The following PCSK6 variants were observed in gnomAD, a reference collection of about 807,000 sequenced individuals.
The protein encoded by PCSK6 is proprotein convertase subtilisin/kexin type 6, also known as paired basic amino acid cleaving enzyme 4.
Under a neutral mutation model 123.3 loss-of-function variants are expected in PCSK6, and 85 were observed. That is an observed-to-expected ratio of 0.69 (90% CI 0.58 to 0.83). The LOEUF is 0.83. Among genes scored for constraint, PCSK6 ranks in the 40% least tolerant of loss-of-function variants. The pLI is 0.00. For missense variants in PCSK6, 1,191 were observed against 1,282.3 expected (o/e 0.93, Z 1.09); for synonymous variants, 508 against 516.0 (o/e 0.98, Z 0.21).
intron 1 of PCSK6, among the ~76,000 whole-genome samples, chr15:101,451,407 T>G (rs375102859): frequency 1.3e-5 from 2 of 152,152 alleles, no homozygotes; most frequent in African/African-American, 2.4e-5. Flanking sequence ...GCTAAGCGCA[T>G]ACTTTGGTAA....
chr15:101,345,677 C>T (rs2040713441), intron 13 of PCSK6, among the ~76,000 whole-genome samples: 1 of 152,002 alleles, frequency 6.6e-6, no homozygotes, highest in Non-Finnish European at 1.5e-5. Context: ...TTTCTTTTTT[C>T]TTTTTTTTGA....
intron 20 of PCSK6, among the ~76,000 whole-genome samples, chr15:101,310,335 C>G (rs191361579): frequency 1.3e-5 from 2 of 151,958 alleles, no homozygotes; most frequent in Non-Finnish European, 2.9e-5. Flanking sequence ...TGGGGCTGCC[C>G]GCCTGCTGCC....
At chr15:101,322,144 G>A (rs755544077) in intron 18 of PCSK6, among the ~76,000 whole-genome samples, 5 of 152,282 alleles carry the variant, frequency 3.3e-5, no homozygotes, top group Non-Finnish European at 5.9e-5. Context: ...AGAGAAGACC[G>A]AGGGATGCAG....
intron 15 of PCSK6, among the ~76,000 whole-genome samples, chr15:101,329,452 C>T (rs1161306881): frequency 6.6e-6 from 1 of 152,184 alleles, no homozygotes; most frequent in Non-Finnish European, 1.5e-5. Flanking sequence ...AAGAGGTGCC[C>T]ACGAGAATAA....
At position 101,324,859 on chromosome 15, in the gene PCSK6, C is replaced by A; in HGVS notation, c.2368G>T (p.Ala790Ser). 6.2e-7 allele frequency: 1 copy of A among 1,612,250 alleles called. No homozygotes were observed. Among genetic ancestry groups the A allele is most frequent in the African/African-American group, 1.3e-5 (1 of 75,050 alleles). ...CVTLCPAGFY[A>S]DESQKNCLKC... is the part of the protein sequence containing the mutation. ...CAAACAAGCCACTTACTTTCATCAG[C>A]ATAAAATCCTGCAGGACAGAGGGTC... Residue 790 changes from alanine (A) to serine (S), a missense_variant, in exon 17 of 22, where the codon GCT becomes TCT. By Grantham distance (99) the Ala-to-Ser change is moderately conservative. Transcript: ENST00000611716.
Position 101,398,572 on chromosome 15 carries a change from G to A in PCSK6, c.828C>T (p.Ile276=), listed in dbSNP as rs1450844180. The A allele has an allele frequency of 1.9e-6, 3 of 1,611,302 alleles. No individual in the cohort carries two copies. The highest frequency in any genetic ancestry group is 1.6e-4 in the Middle Eastern group (1 of 6,078). Residue 276 remains isoleucine, a synonymous_variant, in exon 7 of 22, where the codon ATC becomes ATT. Coordinates refer to ENST00000611716, the MANE Select transcript of PCSK6 (RefSeq NM_002570.5). The surrounding 1 kb of genome is among the most constrained non-coding windows in gnomAD (Gnocchi z 4.6). The part of the protein sequence containing the change: ...GIAYNAKIGG[I]RMLDGDVTDV... ...CTGTGACATCGCCGTCCAGCATGCG[G>A]ATGCCTGAAAGCACAGAGGAGGCTC...
chr15:101,339,910 AATATAT>A (rs113117643), intron 13 of PCSK6, among the ~76,000 whole-genome samples: 41,438 of 146,934 alleles, frequency 0.28, 7,340 homozygotes, highest in African/African-American at 0.5. Context: ...ACCCTTTCTC[AATATAT>A]ATATATATAT....
chr15:101,348,968 G>C (rs1022973811), intron 13 of PCSK6, among the ~76,000 whole-genome samples: 1 of 152,220 alleles, frequency 6.6e-6, no homozygotes, highest in African/African-American at 2.4e-5. Flanking sequence ...TTTCGTAACT[G>C]ATCTGTGCCC....
At chr15:101,431,230 G>T (rs1596326041) in intron 4 of PCSK6, 90 bp downstream of exon 4, 2 of 1,355,372 alleles carry the variant, frequency 1.5e-6, no homozygotes, top group East Asian at 2.3e-5. Context: ...GGCTGGGGGA[G>T]ATCGGGACCT....
At chr15:101,476,806 T>G (rs999735602) in intron 1 of PCSK6, among the ~76,000 whole-genome samples, 2 of 152,232 alleles carry the variant, frequency 1.3e-5, no homozygotes, top group Admixed American at 6.5e-5. Flanking sequence ...TAAATTTATA[T>G]GCAATGTATA....
chr15:101,447,207 A>G (rs2056914899), intron 1 of PCSK6, among the ~76,000 whole-genome samples: 1 of 152,080 alleles, frequency 6.6e-6, no homozygotes, highest in Non-Finnish European at 1.5e-5. Flanking sequence ...CCAGTGAGGG[A>G]GGCTGTTCCT....
At chr15:101,313,026 C>A in intron 20 of PCSK6, 1 of 1,178,570 alleles carries the variant, frequency 8.5e-7, no homozygotes, top group South Asian at 1.9e-5. Flanking sequence ...TTTTTTAACC[C>A]AAAACATGGT....
chr15:101,476,524 C>CAA (rs3031709), intron 1 of PCSK6, among the ~76,000 whole-genome samples: 35,926 of 138,410 alleles, frequency 0.26, 4,412 homozygotes, highest in Middle Eastern at 0.31. Context: ...TAGGTAGGTC[C>CAA]AAAAAAAAAA....
chr15:101,438,374 T>C (rs1266247669), intron 2 of PCSK6, among the ~76,000 whole-genome samples: 1 of 152,226 alleles, frequency 6.6e-6, no homozygotes, highest in Non-Finnish European at 1.5e-5. Flanking sequence ...TAGAAAGAAG[T>C]TGCTTATGTT....
chr15:101,422,402 T>C (rs2141091428), intron 6 of PCSK6, among the ~76,000 whole-genome samples: 1 of 152,304 alleles, frequency 6.6e-6, no homozygotes, highest in Non-Finnish European at 1.5e-5. Flanking sequence ...TACAGGGCAG[T>C]CCATCTGGAG....
At chr15:101,405,513 C>T (rs1198886283) in intron 6 of PCSK6, among the ~76,000 whole-genome samples, 2 of 152,196 alleles carry the variant, frequency 1.3e-5, no homozygotes, top group Non-Finnish European at 2.9e-5. Context: ...CCAATCCCCC[C>T]ACTGACAATT....
At chr15:101,365,378 C>CT (rs2041357131) in intron 13 of PCSK6, among the ~76,000 whole-genome samples, 1 of 152,160 alleles carries the variant, frequency 6.6e-6, no homozygotes, top group South Asian at 2.1e-4. Flanking sequence ...TACTAGAACG[C>CT]TTATAATTTT....
intron 1 of PCSK6, among the ~76,000 whole-genome samples, chr15:101,474,303 C>T (rs1431447722): frequency 6.6e-6 from 1 of 152,188 alleles, no homozygotes; most frequent in Non-Finnish European, 1.5e-5. Flanking sequence ...TAAACTCCAA[C>T]TGGGACAAGG....
intron 6 of PCSK6, among the ~76,000 whole-genome samples, chr15:101,400,401 C>A (rs1465304198): frequency 1.3e-5 from 2 of 152,220 alleles, no homozygotes; most frequent in Non-Finnish European, 2.9e-5. Context: ...GGGTTCCCCA[C>A]CTTACCCATA....
Sources: gnomAD v4.1 joint callset for allele counts (sites outside exome capture counted in the v4.1 genomes callset) on GRCh38, gnomAD v4.1.1 for gene constraint, Gnocchi (gnomAD v3.1) non-coding constraint, MANE v1.5 for transcripts, NCBI Gene and HGNC (gene_info 2026-07-23, HGNC 2026-07-21) for gene names.